The following C9 variants were observed in gnomAD, a reference collection of about 807,000 sequenced individuals.
The protein encoded by C9 is complement component C9.
Under a neutral mutation model 65.4 loss-of-function variants are expected in C9, and 63 were observed. That is an observed-to-expected ratio of 0.96 (90% CI 0.79 to 1.19). The LOEUF is 1.19. Among genes scored for constraint, C9 ranks in the 50% most tolerant of loss-of-function variants. The pLI, the probability that C9 is intolerant of heterozygous loss-of-function variation, is 0.00. For synonymous variants in C9, 229 were observed against 227.9 expected (o/e 1.00, Z -0.04); for missense variants, 744 against 670.1 (o/e 1.11, Z -1.22).
chr5:39,316,045 A>AAAG lies in C9; in HGVS notation c.616-19_616-17dup, dbSNP rs1421016679. 4 of 1,603,960 alleles carry AAAG rather than the reference A, an allele frequency of 2.5e-6. No individual in the cohort carries two copies. The East Asian group carries it at 8.9e-5, about 36-fold the overall frequency. ...CGCCTTTGGTCTAAAAGAGAATAAA[A>AAAG]AAGTGTTGTTAAAAACAAGATACGA... On this transcript the variant is annotated splice_polypyrimidine_tract_variant and intron_variant, in intron 5 of 10. Transcript: ENST00000263408.
At chr5:39,314,389 T>C (rs10062482) in intron 6 of C9, among the ~76,000 whole-genome samples, 4,482 of 151,990 alleles carry the variant, frequency 0.029, 202 homozygotes, top group African/African-American at 0.1. Context: ...GCGGAAGTTG[T>C]GGTGGGCCAA....
chr5:39,285,439 T>G (rs1232294435), intron 10 of C9, among the ~76,000 whole-genome samples: 1 of 152,052 alleles, frequency 6.6e-6, no homozygotes, highest in Non-Finnish European at 1.5e-5. Context: ...AGAGTCAATG[T>G]GATTAGTGCT....
chr5:39,296,705 C>T (rs982425352), intron 9 of C9, among the ~76,000 whole-genome samples: 3 of 151,234 alleles, frequency 2.0e-5, no homozygotes, highest in Non-Finnish European at 3.0e-5. Context: ...TGTATTTTTT[C>T]TTTTTAAAGA....
chr5:39,353,143 A>C (rs1033087373), intron 1 of C9, among the ~76,000 whole-genome samples: 1 of 152,236 alleles, frequency 6.6e-6, no homozygotes, highest in African/African-American at 2.4e-5. Flanking sequence ...GCAATGAGCC[A>C]AGAAGCACAG....
At chr5:39,301,616 T>C (rs1753284774) in intron 9 of C9, among the ~76,000 whole-genome samples, 2 of 152,130 alleles carry the variant, frequency 1.3e-5, no homozygotes, top group Admixed American at 1.3e-4. Flanking sequence ...GCAATACTAC[T>C]TCTGCAATAT....
chr5:39,349,962 T>C (rs142087689), intron 1 of C9, among the ~76,000 whole-genome samples: 14 of 152,278 alleles, frequency 9.2e-5, no homozygotes, highest in African/African-American at 3.4e-4. Flanking sequence ...TTGGTTTTCA[T>C]GTTTATGCTA....
intron 1 of C9, among the ~76,000 whole-genome samples, chr5:39,345,490 G>A (rs1473797396): frequency 6.6e-6 from 1 of 152,142 alleles, no homozygotes; most frequent in African/African-American, 2.4e-5. Context: ...AAATACATAT[G>A]CACCCAATAC....
chr5:39,362,140 C>T (rs924689057), intron 1 of C9, among the ~76,000 whole-genome samples: 1 of 152,078 alleles, frequency 6.6e-6, no homozygotes, highest in Non-Finnish European at 1.5e-5. Context: ...TGTGCCTGCC[C>T]GCCAACCCTG....
In C9 at chr5:39,306,632, A is replaced by T; in HGVS notation, c.1401T>A (p.Val467=). The change falls in exon 9 of 11, where the codon GTT becomes GTA. Residue 467 remains valine, a synonymous_variant. Transcript: ENST00000263408. ...NWASSINDAP[V]LISQKLSPIY... ...CGTTTCTTACTTTTTGACTAATGAG[A>T]ACAGGAGCATCATTTATGGAAGAGG... 1 of 1,613,108 alleles carries T rather than the reference A, an allele frequency of 6.2e-7. No homozygotes were observed. Among genetic ancestry groups the T allele is most frequent in the Non-Finnish European group, 8.5e-7 (1 of 1,179,128 alleles).
chr5:39,285,899 A>G (rs915405871), intron 10 of C9, among the ~76,000 whole-genome samples: 5 of 152,084 alleles, frequency 3.3e-5, no homozygotes, highest in African/African-American at 1.2e-4. Context: ...ACGGTTTTCA[A>G]TCTCATCATG....
chr5:39,314,200 A>C (rs189371530), intron 6 of C9, among the ~76,000 whole-genome samples: 33 of 152,272 alleles, frequency 2.2e-4, no homozygotes, highest in African/African-American at 6.7e-4. Context: ...CTGTAATCCC[A>C]GCACTTTGGG....
chr5:39,364,411 G>C lies in C9; in HGVS notation c.54C>G (p.Ile18Met). ...AVAICILEIS[I>M]LTAQYTTSYD... ...ACCTGGTCGTGTACTGTGCTGTGAG[G>C]ATGCTTATTTCTAAAATGCAGATTG... Residue 18 changes from isoleucine to methionine, a missense_variant, in exon 1 of 11, where the codon ATC becomes ATG. Ile to Met is a conservative substitution (Grantham distance 10). Coordinates refer to ENST00000263408, the MANE Select transcript of C9 (RefSeq NM_001737.5). 6 of 1,603,720 alleles carry C rather than the reference G, an allele frequency of 3.7e-6. No homozygotes were observed. Among genetic ancestry groups the C allele is most frequent in the Non-Finnish European group, 5.1e-6 (6 of 1,170,674 alleles).
chr5:39,319,552 C>T lies in C9; in HGVS notation c.616-3523G>A, dbSNP rs145838536. 1.4e-3 allele frequency among the ~76,000 whole-genome samples: 210 copies of T among 152,296 alleles called. 1 individual carries two copies. In the South Asian group the frequency reaches 0.028, roughly 21 times the overall value. ...GTACACCTCAGCTTCAGGCCAGCTTCCATGACCTCAAGCACCAGGCCAGCA... is the reference window on the plus strand; with the variant it reads ...GTACACCTCAGCTTCAGGCCAGCTTTCATGACCTCAAGCACCAGGCCAGCA... On this transcript the variant is annotated intron_variant, in intron 5 of 10. Coordinates refer to ENST00000263408, the MANE Select transcript of C9 (RefSeq NM_001737.5).
chr5:39,363,318 G>A (rs1450988071), intron 1 of C9, among the ~76,000 whole-genome samples: 7 of 152,180 alleles, frequency 4.6e-5, no homozygotes, highest in Admixed American at 4.6e-4. Flanking sequence ...AGCACCTCTG[G>A]GTGCCCCCTC....
chr5:39,334,784 C>T (rs1579866247), intron 4 of C9, among the ~76,000 whole-genome samples: 1 of 151,704 alleles, frequency 6.6e-6, no homozygotes, highest in East Asian at 2.0e-4. Flanking sequence ...GTGAGGAGCC[C>T]CTCTGCCCGG....
intron 9 of C9, among the ~76,000 whole-genome samples, chr5:39,290,612 T>A (rs1484320618): frequency 2.6e-5 from 4 of 151,864 alleles, no homozygotes; most frequent in South Asian, 2.1e-4. Context: ...CATTTTTTTT[T>A]AAAACTGCTA....
At position 39,289,548 on chromosome 5, in the gene C9, A is replaced by G. The variant is rs535027645; in HGVS notation, c.1417-597T>C. Among the ~76,000 whole-genome samples, 312 of 151,904 alleles carry G rather than the reference A, an allele frequency of 2.1e-3. 1 individual carries two copies. The highest frequency in any genetic ancestry group is 7.1e-3 in the African/African-American group (294 of 41,500). On this transcript the variant is annotated intron_variant, in intron 9 of 10. Transcript: ENST00000263408. ...GAGATTCCTCCAGAATAGAAAGGGG[A>G]TAGAAGTTAGTATATACCTCAAGTA...
intron 5 of C9, among the ~76,000 whole-genome samples, chr5:39,326,069 T>G (rs965298274): frequency 6.6e-6 from 1 of 152,168 alleles, no homozygotes; most frequent in African/African-American, 2.4e-5. Context: ...TCCATTTTTA[T>G]AGGGTCCATC....
At chr5:39,291,999 GTGAAGAGGT>G (rs1753105475) in intron 9 of C9, among the ~76,000 whole-genome samples, 1 of 151,792 alleles carries the variant, frequency 6.6e-6, no homozygotes, top group South Asian at 2.1e-4. Flanking sequence ...CTTGAAAAAA[GTGAAGAGGT>G]TATAAGAAGG....
Sources: allele counts gnomAD v4.1 joint callset (sites outside exome capture counted in the v4.1 genomes callset), GRCh38; gene constraint gnomAD v4.1.1; transcripts MANE v1.5; gene names NCBI Gene and HGNC (gene_info 2026-07-23, HGNC 2026-07-21).